CSMD1: variants seen among roughly 807,000 people sequenced by gnomAD.
CSMD1 encodes CUB and sushi domain-containing protein 1.
A neutral mutation model predicts 417.5 loss-of-function variants in CSMD1; 213 were observed. The observed-to-expected ratio is 0.51, with a 90% CI of 0.46 to 0.57. CSMD1 has a LOEUF of 0.57. Ranked by LOEUF, CSMD1 falls within the 20% of genes least tolerant of loss-of-function variation. CSMD1 has a pLI of 0.00. For missense variants in CSMD1, 6,923 were observed against 4,529.7 expected (o/e 1.53, Z -15.17); for synonymous variants, 2,862 against 1,736.8 (o/e 1.65, Z -16.11).
At chr8:3,003,529 T>A (rs192644269) in intron 52 of CSMD1, among the ~76,000 whole-genome samples, 1 of 152,244 alleles carries the variant, frequency 6.6e-6, no homozygotes, top group African/African-American at 2.4e-5. Flanking sequence ...TCATGTCCTT[T>A]ACATTGTCTC....
At chr8:3,515,632 C>A (rs1797252517) in intron 10 of CSMD1, among the ~76,000 whole-genome samples, 1 of 152,184 alleles carries the variant, frequency 6.6e-6, no homozygotes, top group African/African-American at 2.4e-5. Context: ...ACTTGGCAGG[C>A]CACTGGAAAT....
intron 50 of CSMD1, among the ~76,000 whole-genome samples, chr8:3,043,034 C>A (rs763603403): frequency 8.1e-5 from 12 of 149,054 alleles, no homozygotes; most frequent in Non-Finnish European, 1.5e-4. Context: ...TAGATATGAC[C>A]TAGTACTGTG....
intron 3 of CSMD1, among the ~76,000 whole-genome samples, chr8:4,264,871 G>C (rs1331275845): frequency 6.6e-6 from 1 of 152,136 alleles, no homozygotes; most frequent in Non-Finnish European, 1.5e-5. Context: ...AAGTGCCCTA[G>C]GTAGGACGAT....
At chr8:3,283,893 G>A (rs1446177462) in intron 26 of CSMD1, among the ~76,000 whole-genome samples, 1 of 152,236 alleles carries the variant, frequency 6.6e-6, no homozygotes, top group Non-Finnish European at 1.5e-5. Flanking sequence ...CCAGTGGCAT[G>A]CAAAATGCAC....
intron 7 of CSMD1, among the ~76,000 whole-genome samples, chr8:3,696,490 C>T (rs562563836): frequency 2.0e-4 from 31 of 152,270 alleles, no homozygotes; most frequent in African/African-American, 7.2e-4. Flanking sequence ...GTGAACCCAA[C>T]GGATGTGACG....
At chr8:4,656,632 A>G (rs191699986) in intron 1 of CSMD1, among the ~76,000 whole-genome samples, 1 of 151,466 alleles carries the variant, frequency 6.6e-6, no homozygotes. Context: ...GGTGGTGACT[A>G]ATTTTAGTTT....
At chr8:4,529,996 G>T (rs1324140306) in intron 2 of CSMD1, among the ~76,000 whole-genome samples, 2 of 151,982 alleles carry the variant, frequency 1.3e-5, no homozygotes, top group South Asian at 2.1e-4. Flanking sequence ...CTCACTGCAA[G>T]CCCCGCCTTC....
At chr8:3,365,267 C>T (rs35250278) in intron 20 of CSMD1, among the ~76,000 whole-genome samples, 27,627 of 152,108 alleles carry the variant, frequency 0.18, 2,688 homozygotes, top group African/African-American at 0.24. Context: ...GAAAGCTTCA[C>T]TTGAGTAGTG....
At chr8:3,714,943 G>C (rs1009577261) in intron 6 of CSMD1, among the ~76,000 whole-genome samples, 3 of 152,018 alleles carry the variant, frequency 2.0e-5, no homozygotes, top group Non-Finnish European at 4.4e-5. Context: ...TTTACTCTAG[G>C]ACTCTCTTTT....
chr8:3,281,190 C>G (rs1466141263), intron 26 of CSMD1, among the ~76,000 whole-genome samples: 2 of 152,138 alleles, frequency 1.3e-5, no homozygotes, highest in East Asian at 3.9e-4. Context: ...CGCCTGTAAT[C>G]CCAGCACTTT....
At chr8:4,877,200 G>C (rs969789842) in intron 1 of CSMD1, among the ~76,000 whole-genome samples, 7 of 151,860 alleles carry the variant, frequency 4.6e-5, no homozygotes, top group East Asian at 1.9e-4. Context: ...GAATGAGTAT[G>C]CAATGTAGCT....
Position 3,052,387 on chromosome 8 carries a change from A to G in CSMD1, c.7660+75T>C, listed in dbSNP as rs991855465. 5 of 1,202,508 alleles carry G rather than the reference A, an allele frequency of 4.2e-6. No individual in the cohort carries two copies. The South Asian group carries it at 4.7e-5, about 11-fold the overall frequency. The allele number at this position is 1,202,508 out of a possible 1,614,324, so 74.5% of individuals were successfully genotyped here. The stretch of plus-strand genomic sequence containing the variant: ...GTGGGAGAGGACCTCTGAACGTGGG[A>G]ACCCGGACTTCTCCCGAAAGCATTC... On this transcript the variant is annotated intron_variant, in intron 50 of 69. Transcript: ENST00000635120.
At position 3,372,631 on chromosome 8, in the gene CSMD1, C is replaced by G. The variant is rs535203826; in HGVS notation, c.2783-3261G>C. Reference sequence around the variant, plus strand: ...GCTGGGGGTGATTGTGAGTTCATAACCTGAGTGTGAAATAACTACAGGTGA... The same window carrying G: ...GCTGGGGGTGATTGTGAGTTCATAAGCTGAGTGTGAAATAACTACAGGTGA... On this transcript the variant is annotated intron_variant, in intron 18 of 69. Transcript: ENST00000635120. Among the ~76,000 whole-genome samples, 14 of 152,178 alleles carry G rather than the reference C, an allele frequency of 9.2e-5. No homozygotes were observed. In the East Asian group the frequency reaches 2.7e-3, roughly 30 times the overall value.
At chr8:4,355,068 C>G (rs568157409) in intron 3 of CSMD1, among the ~76,000 whole-genome samples, 4 of 152,048 alleles carry the variant, frequency 2.6e-5, no homozygotes, top group Admixed American at 1.3e-4. Flanking sequence ...CGAGACCATC[C>G]TGGCTAACAT....
intron 5 of CSMD1, among the ~76,000 whole-genome samples, chr8:3,896,558 C>T (rs1031427145): frequency 2.0e-5 from 3 of 151,942 alleles, no homozygotes; most frequent in African/African-American, 7.3e-5. Context: ...GTCACCCAGG[C>T]TGGAGTGCAG....
chr8:4,439,489 C>G (rs1044812294), intron 2 of CSMD1, among the ~76,000 whole-genome samples: 1 of 151,926 alleles, frequency 6.6e-6, no homozygotes, highest in Non-Finnish European at 1.5e-5. Context: ...TTCCGTTTGA[C>G]GAACAAGCTG....
At chr8:3,416,678 C>G (rs749386038) in intron 12 of CSMD1, among the ~76,000 whole-genome samples, 12 of 152,090 alleles carry the variant, frequency 7.9e-5, no homozygotes, top group Non-Finnish European at 1.5e-4. Flanking sequence ...TGGCCACATC[C>G]CCTGCTAACA....
At chr8:3,372,230 A>T (rs1354720681) in intron 18 of CSMD1, among the ~76,000 whole-genome samples, 1 of 152,162 alleles carries the variant, frequency 6.6e-6, no homozygotes, top group Non-Finnish European at 1.5e-5. Context: ...CCTGGGGAAC[A>T]ATTTGGGTAG....
chr8:4,671,902 T>G (rs987223482), intron 1 of CSMD1, among the ~76,000 whole-genome samples: 1 of 152,140 alleles, frequency 6.6e-6, no homozygotes, highest in Non-Finnish European at 1.5e-5. Flanking sequence ...CTCCACTAAG[T>G]TGCCAAGCAT....
Sources: allele counts gnomAD v4.1 joint callset (sites outside exome capture counted in the v4.1 genomes callset), GRCh38; gene constraint gnomAD v4.1.1; transcripts MANE v1.5; gene names NCBI Gene and HGNC (gene_info 2026-07-23, HGNC 2026-07-21).